Variants in DMRT1 observed in about 807,000 individuals in gnomAD.
The protein encoded by DMRT1 is doublesex and mab-3 related transcription factor 1, also known as doublesex- and mab-3-related transcription factor 1.
Under a neutral mutation model 32.3 loss-of-function variants are expected in DMRT1, and 7 were observed. The observed-to-expected ratio is 0.22, with a 90% CI of 0.12 to 0.41. The LOEUF (loss-of-function observed/expected upper bound fraction) is 0.41. DMRT1 is among the 10% of genes least tolerant of loss of function. DMRT1 has a pLI of 1.00. For missense variants in DMRT1, 625 were observed against 500.5 expected, an observed-to-expected ratio of 1.25 and a Z score of -2.37; for synonymous variants, 278 against 206.1, an observed-to-expected ratio of 1.35 and a Z score of -2.99.
At chr9:958,201 G>A (rs1384058497) in intron 4 of DMRT1, among the ~76,000 whole-genome samples, 1 of 152,104 alleles carries the variant, frequency 6.6e-6, no homozygotes, top group Admixed American at 6.5e-5. Flanking sequence ...GAGTCTCCCA[G>A]TAGTAAAGAG....
intron 4 of DMRT1, among the ~76,000 whole-genome samples, chr9:948,572 G>A (rs973224186): frequency 4.6e-5 from 7 of 151,806 alleles, no homozygotes; most frequent in African/African-American, 1.5e-4. Flanking sequence ...CTTCCCCTGC[G>A]CTCTGCTGTG....
chr9:922,590 CT>C (rs1433507078), intron 4 of DMRT1, among the ~76,000 whole-genome samples: 1 of 152,120 alleles, frequency 6.6e-6, no homozygotes, highest in Non-Finnish European at 1.5e-5. Context: ...TGGTCGACAC[CT>C]GCAAAAAGGT....
intron 2 of DMRT1, among the ~76,000 whole-genome samples, chr9:888,218 G>A (rs568217963): frequency 6.6e-6 from 1 of 152,244 alleles, no homozygotes; most frequent in Non-Finnish European, 1.5e-5. Flanking sequence ...CCATTTGGCA[G>A]CGATACACAC....
intron 3 of DMRT1, 66 bp downstream of exon 3, chr9:894,261 G>T: frequency 6.5e-7 from 1 of 1,546,192 alleles, no homozygotes; most frequent in East Asian, 2.2e-5. Context: ...GCACACACAT[G>T]CACATACACA....
chr9:883,407 T>C (rs1413288835), intron 2 of DMRT1, among the ~76,000 whole-genome samples: 5 of 151,944 alleles, frequency 3.3e-5, no homozygotes, highest in African/African-American at 1.2e-4. Flanking sequence ...AGATGAATCC[T>C]CTCCCCTCAG....
intron 2 of DMRT1, among the ~76,000 whole-genome samples, chr9:872,135 C>T (rs888351965): frequency 6.6e-6 from 1 of 151,148 alleles, no homozygotes; most frequent in Non-Finnish European, 1.5e-5. Context: ...GATTTCGGCT[C>T]ACTGCAACCT....
At chr9:957,657 C>T (rs1025408430) in intron 4 of DMRT1, among the ~76,000 whole-genome samples, 2 of 152,136 alleles carry the variant, frequency 1.3e-5, no homozygotes, top group African/African-American at 4.8e-5. Flanking sequence ...GATTGTTTTT[C>T]GATCCGTAGA....
rs533079402 is a variant in DMRT1, at chr9:964,189, G to A, written c.968-3796G>A. 2.6e-3 allele frequency among the ~76,000 whole-genome samples: 399 copies of A among 151,308 alleles called. 7 individuals carry two copies. The highest frequency in any genetic ancestry group is 9.6e-3 in the African/African-American group (391 of 40,914). Reference sequence around the variant, plus strand: ...AATGTCAAAAGATTTAGCACTTAGAGTTTTGTGGTTTTTTTTTTAAGAAGG... The same window carrying A: ...AATGTCAAAAGATTTAGCACTTAGAATTTTGTGGTTTTTTTTTTAAGAAGG... On this transcript the variant is annotated intron_variant, in intron 4 of 4. Coordinates refer to ENST00000382276, the MANE Select transcript of DMRT1 (RefSeq NM_021951.3).
intron 2 of DMRT1, among the ~76,000 whole-genome samples, chr9:885,802 A>C (rs1161326991): frequency 6.6e-6 from 1 of 152,078 alleles, no homozygotes; most frequent in African/African-American, 2.4e-5. Flanking sequence ...TCTACCCAGC[A>C]CTTCCCTGCC....
intron 4 of DMRT1, among the ~76,000 whole-genome samples, chr9:930,783 G>GGGCCT (rs58257045): frequency 3.3e-5 from 5 of 151,772 alleles, no homozygotes; most frequent in South Asian, 2.1e-4. Context: ...GCCTCAAGCG[G>GGGCCT]CCTGTTTCAG....
chr9:912,259 A>G (rs1231239268), intron 3 of DMRT1, among the ~76,000 whole-genome samples: 1 of 152,196 alleles, frequency 6.6e-6, no homozygotes, highest in African/African-American at 2.4e-5. Flanking sequence ...ACCACCGCCT[A>G]CCACGTTCCT....
intron 4 of DMRT1, among the ~76,000 whole-genome samples, chr9:950,133 G>T (rs1046277223): frequency 6.6e-6 from 1 of 151,998 alleles, no homozygotes; most frequent in Non-Finnish European, 1.5e-5. Flanking sequence ...TGCTTGGAAA[G>T]TGGAAAGATG....
intron 2 of DMRT1, among the ~76,000 whole-genome samples, chr9:885,307 T>C (rs1267448074): frequency 6.6e-6 from 1 of 152,226 alleles, no homozygotes; most frequent in Non-Finnish European, 1.5e-5. Context: ...GGGCTTTCTG[T>C]ATCCCCTGGT....
chr9:893,157 C>T (rs953444453), intron 2 of DMRT1, among the ~76,000 whole-genome samples: 1 of 152,196 alleles, frequency 6.6e-6, no homozygotes, highest in Non-Finnish European at 1.5e-5. Context: ...ACGTTTCAGG[C>T]ACCCGGACTG....
At chr9:936,706 A>T (rs1191508038) in intron 4 of DMRT1, among the ~76,000 whole-genome samples, 1 of 150,420 alleles carries the variant, frequency 6.6e-6, no homozygotes, top group Admixed American at 6.6e-5. Context: ...GTGAGCCGAG[A>T]TCACACCATT....
At chr9:860,304 A>C (rs1392301345) in intron 2 of DMRT1, among the ~76,000 whole-genome samples, 1 of 152,224 alleles carries the variant, frequency 6.6e-6, no homozygotes, top group Admixed American at 6.5e-5. Context: ...CTCAAAAAAA[A>C]TTAAATACAT....
chr9:925,688 G>C (rs566228983), intron 4 of DMRT1, among the ~76,000 whole-genome samples: 3 of 152,076 alleles, frequency 2.0e-5, no homozygotes. Flanking sequence ...ACAAACACAC[G>C]TGCAGCTCCT....
intron 4 of DMRT1, among the ~76,000 whole-genome samples, chr9:931,319 A>G (rs905365581): frequency 6.6e-6 from 1 of 152,262 alleles, no homozygotes; most frequent in African/African-American, 2.4e-5. Flanking sequence ...TGAAATATCT[A>G]TTCTGTCTCA....
chr9:902,565 T>C (rs1046524444), intron 3 of DMRT1, among the ~76,000 whole-genome samples: 1 of 151,390 alleles, frequency 6.6e-6, no homozygotes, highest in African/African-American at 2.4e-5. Flanking sequence ...CTCGGCTCAC[T>C]GCAACCTCTG....
Sources: gnomAD v4.1 joint callset for allele counts (sites outside exome capture counted in the v4.1 genomes callset) on GRCh38, gnomAD v4.1.1 for gene constraint, MANE v1.5 for transcripts, NCBI Gene and HGNC (gene_info 2026-07-23, HGNC 2026-07-21) for gene names.